TRHDE: variants seen among roughly 807,000 people sequenced by gnomAD.
TRHDE encodes the protein thyrotropin-releasing hormone-degrading ectoenzyme.
Under a neutral mutation model 125.7 loss-of-function variants are expected in TRHDE, and 72 were observed. The ratio of observed to expected loss-of-function variants is 0.57; its 90% CI spans 0.47 to 0.70. The LOEUF (loss-of-function observed/expected upper bound fraction) is 0.70. Among genes scored for constraint, TRHDE ranks in the 30% least tolerant of loss-of-function variants. The pLI is 0.00. For synonymous variants in TRHDE, 509 were observed against 509.1 expected (o/e 1.00, Z 0.00); for missense variants, 1,110 against 1,327.1 (o/e 0.84, Z 2.54).
intron 3 of TRHDE, among the ~76,000 whole-genome samples, chr12:72,453,280 A>G (rs1403884214): frequency 2.0e-5 from 3 of 152,196 alleles, no homozygotes; most frequent in African/African-American, 7.2e-5. Context: ...TTGCCTAAGC[A>G]AAGAACTTGG....
rs1421040681 is a variant in TRHDE, at chr12:72,619,049, A to T, written c.2469+11A>T. The T allele has an allele frequency of 6.5e-7, 1 of 1,534,212 alleles. No homozygotes were observed. On this transcript the variant is annotated intron_variant, in intron 13 of 18. Transcript: ENST00000261180. ...TACAACATTTTCAATGTAAAAAGATATAATTTTTCTTTCTAATTTTTAGAA... is the reference window on the plus strand; with the variant it reads ...TACAACATTTTCAATGTAAAAAGATTTAATTTTTCTTTCTAATTTTTAGAA...
chr12:72,408,645 G>A (rs1472992950), intron 3 of TRHDE, among the ~76,000 whole-genome samples: 1 of 152,020 alleles, frequency 6.6e-6, no homozygotes, highest in African/African-American at 2.4e-5. Flanking sequence ...TGCCAACAAT[G>A]TTTAAAGAAA....
chr12:72,153,608 C>T (rs1224684425), intron 2 of TRHDE, among the ~76,000 whole-genome samples: 11 of 152,158 alleles, frequency 7.2e-5, no homozygotes, highest in South Asian at 4.1e-4. Context: ...TTTGTTCTCA[C>T]TGGTTTCAAA....
chr12:72,292,018 G>A (rs889428136), intron 2 of TRHDE, among the ~76,000 whole-genome samples: 1 of 152,210 alleles, frequency 6.6e-6, no homozygotes, highest in Non-Finnish European at 1.5e-5. Flanking sequence ...GGCTTTTTAT[G>A]TATCAAGTTA....
chr12:72,253,508 T>A (rs577886229), intron 2 of TRHDE: 65 of 152,152 alleles, frequency 4.3e-4, no homozygotes, highest in African/African-American at 1.5e-3. Flanking sequence ...CAGCTGTAGG[T>A]TTTTAAAAAA....
rs115093012 is a variant in TRHDE at position 72,521,326 on chromosome 12, A to G, written c.1723-20965A>G. On this transcript the variant is annotated intron_variant, in intron 6 of 18. Coordinates refer to ENST00000261180, the MANE Select transcript of TRHDE (RefSeq NM_013381.3). ...CTTCAATCCCTATTTTACCCTATTT[A>G]GTATTTCCTGGCTTACCCTCTGAAT... Among the ~76,000 whole-genome samples the G allele has an allele frequency of 4.0e-3, 616 of 152,260 alleles. 2 individuals carry two copies. Among genetic ancestry groups the G allele is most frequent in the African/African-American group, 0.014 (563 of 41,548 alleles).
At chr12:72,530,722 C>A (rs1193987706) in intron 6 of TRHDE, among the ~76,000 whole-genome samples, 2 of 151,712 alleles carry the variant, frequency 1.3e-5, no homozygotes, top group South Asian at 2.1e-4. Context: ...TGATTCCTTT[C>A]TCTGCTCCAT....
At chr12:72,335,740 T>A (rs1386254491) in intron 2 of TRHDE, among the ~76,000 whole-genome samples, 1 of 152,218 alleles carries the variant, frequency 6.6e-6, no homozygotes, top group Non-Finnish European at 1.5e-5. Context: ...GTGGCAACAA[T>A]TCAGAATGTT....
At chr12:72,231,452 T>C (rs905850446) in intron 2 of TRHDE, among the ~76,000 whole-genome samples, 16 of 152,276 alleles carry the variant, frequency 1.1e-4, no homozygotes, top group Admixed American at 3.3e-4. Flanking sequence ...TGTTGTGCGA[T>C]AGTTTAGGAA....
chr12:72,437,146 C>T (rs933464651), intron 3 of TRHDE, among the ~76,000 whole-genome samples: 14 of 151,762 alleles, frequency 9.2e-5, no homozygotes, highest in Admixed American at 7.9e-4. Flanking sequence ...TCTCTGTTTC[C>T]CTATGTATAA....
At chr12:72,626,016 G>A (rs767240441) in intron 15 of TRHDE, among the ~76,000 whole-genome samples, 19 of 151,976 alleles carry the variant, frequency 1.3e-4, no homozygotes, top group Non-Finnish European at 2.4e-4. Context: ...CATCAGATGG[G>A]ATTAAAACAG....
intron 15 of TRHDE, among the ~76,000 whole-genome samples, chr12:72,627,769 T>C (rs1873321346): frequency 6.6e-6 from 1 of 151,478 alleles, no homozygotes. Flanking sequence ...ACCCTCAAAC[T>C]CCTAGGCTCA....
intron 2 of TRHDE, among the ~76,000 whole-genome samples, chr12:72,246,022 C>T (rs1878569429): frequency 6.6e-6 from 1 of 152,118 alleles, no homozygotes; most frequent in Non-Finnish European, 1.5e-5. Context: ...TTACAATGGT[C>T]AGCCTCTCTC....
At chr12:72,279,116 T>C (rs958675137) in intron 1 of TRHDE, among the ~76,000 whole-genome samples, 1 of 152,238 alleles carries the variant, frequency 6.6e-6, no homozygotes, top group African/African-American at 2.4e-5. Flanking sequence ...AACATGTTTG[T>C]TTATTTAAAC....
chr12:72,498,963 A>ATGTGTG lies in TRHDE; in HGVS notation c.1585-511_1585-506dup, dbSNP rs72163048. ...CTCTTGAAATTTTTTCAGAAAATAA[A>ATGTGTG]TGTGTGTGTGTGTGTGTGTGTGTGT... On this transcript the variant is annotated intron_variant, in intron 5 of 18. Transcript: ENST00000261180. Among the ~76,000 whole-genome samples, 156 of 147,272 alleles carry ATGTGTG rather than the reference A, an allele frequency of 1.1e-3. No homozygotes were observed. In the Middle Eastern group the frequency reaches 0.014, roughly 13 times the overall value.
At chr12:72,328,823 ATAATCCTT>A (rs1039871300) in intron 2 of TRHDE, among the ~76,000 whole-genome samples, 1 of 152,196 alleles carries the variant, frequency 6.6e-6, no homozygotes, top group Non-Finnish European at 1.5e-5. Context: ...CCTAATTGGC[ATAATCCTT>A]TTTGAGTAAA....
rs1592457514 is a variant in TRHDE, at chr12:72,454,957, G to A, written c.1316-14801G>A. Among the ~76,000 whole-genome samples the A allele has an allele frequency of 8.1e-5, 12 of 148,004 alleles. No homozygotes were observed. In the South Asian group the frequency reaches 2.5e-3, roughly 31 times the overall value. On this transcript the variant is annotated intron_variant, in intron 3 of 18. Transcript: ENST00000261180. The stretch of plus-strand genomic sequence containing the variant: ...GATTTATTTGCTTCCATCCTAACTT[G>A]CCTCCTGCCATTTCTCTTCATGGAT...
chr12:72,559,974 C>G lies in TRHDE; in HGVS notation c.1789-2191C>G, dbSNP rs180930063. Among the ~76,000 whole-genome samples the G allele has an allele frequency of 2.4e-3, 365 of 152,122 alleles. 2 individuals carry two copies. The highest frequency in any genetic ancestry group is 8.3e-3 in the African/African-American group (345 of 41,494). ...TGTACTAGAAAGTTACCTGAACACA[C>G]TAAGTGCTCCATAAATTTTGTGGAA... is the stretch of plus-strand genomic sequence containing the variant. On this transcript the variant is annotated intron_variant, in intron 7 of 18. Coordinates refer to ENST00000261180, the MANE Select transcript of TRHDE (RefSeq NM_013381.3).
intron 12 of TRHDE, among the ~76,000 whole-genome samples, chr12:72,588,445 G>A (rs978883810): frequency 3.3e-5 from 5 of 152,180 alleles, no homozygotes; most frequent in Non-Finnish European, 7.4e-5. Context: ...CTCTAATGGA[G>A]TAAGTAAGGA....
Sources: allele counts gnomAD v4.1 joint callset (sites outside exome capture counted in the v4.1 genomes callset), GRCh38; gene constraint gnomAD v4.1.1; transcripts MANE v1.5; gene names NCBI Gene and HGNC (gene_info 2026-07-23, HGNC 2026-07-21).